The following KCNQ2 variants were observed in gnomAD, a reference collection of about 807,000 sequenced individuals.
The protein encoded by KCNQ2 is potassium voltage-gated channel subfamily Q member 2.
A neutral mutation model predicts 84.8 loss-of-function variants in KCNQ2; 14 were observed. The observed-to-expected ratio is 0.17, with a 90% CI of 0.11 to 0.26. The LOEUF is 0.26. Among genes scored for constraint, KCNQ2 ranks in the 10% least tolerant of loss-of-function variants. The pLI, the probability that KCNQ2 is intolerant of heterozygous loss-of-function variation, is 1.00. For missense variants in KCNQ2, 788 were observed against 1,254.0 expected, an observed-to-expected ratio of 0.63 and a Z score of 5.61; for synonymous variants, 599 against 554.1, an observed-to-expected ratio of 1.08 and a Z score of -1.14.
At chr20:63,443,469 C>CCACCATCAT (rs1600779796) in intron 4 of KCNQ2, among the ~76,000 whole-genome samples, 1 of 19,022 alleles carries the variant, frequency 5.3e-5, no homozygotes, top group Non-Finnish European at 1.2e-4. Context: ...ACCACCATCA[C>CCACCATCAT]CACCATCATC....
In KCNQ2 at chr20:63,414,841, A is replaced by G; in HGVS notation, c.1525+62T>C. Reference sequence around the variant, plus strand: ...TGCGACGCCACAGGGTGGCCACAGTAGCGTGGCCACCACATCCATCCCCGG... The same window carrying G: ...TGCGACGCCACAGGGTGGCCACAGTGGCGTGGCCACCACATCCATCCCCGG... On this transcript the variant is annotated intron_variant, in intron 13 of 16. Transcript: ENST00000359125. This position sits in a 1 kb window ranked among gnomAD's most constrained non-coding sequence, Gnocchi z 6.6. 1 of 1,525,660 alleles carries G rather than the reference A, an allele frequency of 6.6e-7. No homozygotes were observed. Among genetic ancestry groups the G allele is most frequent in the South Asian group, 1.1e-5 (1 of 89,382 alleles). 94.5% of individuals were successfully genotyped at this position (1,525,660 alleles called of 1,614,324 possible).
At chr20:63,463,285 C>T (rs1600855958) in intron 1 of KCNQ2, among the ~76,000 whole-genome samples, 2 of 152,224 alleles carry the variant, frequency 1.3e-5, no homozygotes, top group South Asian at 2.1e-4. Flanking sequence ...TAATAGAATA[C>T]GGACATCAGG....
In KCNQ2 at chr20:63,438,823, G is replaced by C; in HGVS notation, c.928-103C>G. 1.2e-6 allele frequency: 1 copy of C among 806,606 alleles called. No individual in the cohort carries two copies. The highest frequency in any genetic ancestry group is 2.0e-6 in the Non-Finnish European group (1 of 496,670). 50.0% of individuals were successfully genotyped at this position (806,606 alleles called of 1,614,324 possible). A position where few individuals can be genotyped will look rare whatever the true frequency, so the allele number is the denominator to read the frequency against. On this transcript the variant is annotated intron_variant, in intron 6 of 16. Transcript: ENST00000359125. The surrounding 1 kb of genome is among the most constrained non-coding windows in gnomAD (Gnocchi z 5.1). ...GCCCCACACCCCCCCCAATTCATCA[G>C]GGTCAGACCACACTCCAGAGACTCA...
At chr20:63,421,925 G>A (rs2080483188) in intron 11 of KCNQ2, among the ~76,000 whole-genome samples, 1 of 152,142 alleles carries the variant, frequency 6.6e-6, no homozygotes, top group Non-Finnish European at 1.5e-5. Flanking sequence ...CAGCCCCAGT[G>A]GTCCCTACGG....
At position 63,467,609 on chromosome 20, in the gene KCNQ2, G is replaced by A. The variant is rs6090424; in HGVS notation, c.296+4559C>T. Among the ~76,000 whole-genome samples, 327 of 152,334 alleles carry A rather than the reference G, an allele frequency of 2.1e-3. 1 individual carries two copies. The highest frequency in any genetic ancestry group is 7.6e-3 in the African/African-American group (314 of 41,570). On this transcript the variant is annotated intron_variant, in intron 1 of 16. Coordinates refer to ENST00000359125, the MANE Select transcript of KCNQ2 (RefSeq NM_172107.4). ...CGGACTTGCTGAGTGTGCACACAGG[G>A]GCCATGGACGTGTCAGGAGCACAGG...
At chr20:63,439,837 C>T (rs1418252853) in intron 5 of KCNQ2, 129 bp from the exon 6 acceptor site, 25 of 743,194 alleles carry the variant, frequency 3.4e-5, no homozygotes, top group Non-Finnish European at 5.0e-5. Context: ...ACCATCCACA[C>T]GGAGGCCCAG....
At chr20:63,455,143 C>T (rs546609823) in intron 1 of KCNQ2, among the ~76,000 whole-genome samples, 3 of 152,088 alleles carry the variant, frequency 2.0e-5, no homozygotes, top group Non-Finnish European at 2.9e-5. Context: ...GATGGGAGGA[C>T]GGTGGGAGGA....
At position 63,442,707 on chromosome 20, in the gene KCNQ2, TCAC is replaced by T. The variant is rs749330439; in HGVS notation, c.691-179_691-177del. ...ACCATCACCATCACCACCATCACCATCACCACCACCACCACCATCATCACCACC... is the reference window on the plus strand; with the variant it reads ...ACCATCACCATCACCACCATCACCATCACCACCACCACCATCATCACCACC... On this transcript the variant is annotated intron_variant, in intron 4 of 16. Coordinates refer to ENST00000359125, the MANE Select transcript of KCNQ2 (RefSeq NM_172107.4). 0.021 allele frequency among the ~76,000 whole-genome samples: 734 copies of T among 35,378 alleles called. 60 individuals are homozygous for T. Among genetic ancestry groups the T allele is most frequent in the Middle Eastern group, 0.071 (4 of 56 alleles). The allele number at this position is 35,378 out of a possible 152,430, so 23.2% of individuals were successfully genotyped here.
rs2080231941 is a variant in KCNQ2, at chr20:63,414,783, G to A, written c.1525+120C>T. 1 of 918,594 alleles carries A rather than the reference G, an allele frequency of 1.1e-6. No homozygotes were observed. 56.9% of individuals were successfully genotyped at this position (918,594 alleles called of 1,614,324 possible). On this transcript the variant is annotated intron_variant, in intron 13 of 16. Coordinates refer to ENST00000359125, the MANE Select transcript of KCNQ2 (RefSeq NM_172107.4). This position sits in a 1 kb window ranked among gnomAD's most constrained non-coding sequence, Gnocchi z 6.6. ...CTCACCTCAATTTTAGAAAGGATAGGGGGTTCCCACTCCAAGAGCAAGCAA... is the reference window on the plus strand; with the variant it reads ...CTCACCTCAATTTTAGAAAGGATAGAGGGTTCCCACTCCAAGAGCAAGCAA...
Position 63,406,794 on chromosome 20 carries a change from G to C in KCNQ2, c.2469C>G (p.Ala823=). 1.9e-6 allele frequency: 3 copies of C among 1,612,634 alleles called. No homozygotes were observed. The highest frequency in any genetic ancestry group is 2.5e-6 in the Non-Finnish European group (3 of 1,179,872). ...NLDALNSCYA[A]VAPCAKVRPY... ...GCCTGACTTTGGCACAAGGCGCCAC[G>C]GCCGCGTAGCAGCTGTTGAGAGCAT... Residue 823 remains alanine, a synonymous_variant, in exon 17 of 17, where the codon GCC becomes GCG. Coordinates refer to ENST00000359125, the MANE Select transcript of KCNQ2 (RefSeq NM_172107.4).
rs374390983 is a variant in KCNQ2, at chr20:63,452,654, C to T, written c.297-5817G>A. Among the ~76,000 whole-genome samples, 90 of 152,344 alleles carry T rather than the reference C, an allele frequency of 5.9e-4. No homozygotes were observed. In the South Asian group the frequency reaches 0.011, roughly 19 times the overall value. Reference sequence around the variant, plus strand: ...CAGAGGCCTGGGACTGCAGCAGGAACGGGCTGATTCAGCGGTGCAGGCACA... The same window carrying T: ...CAGAGGCCTGGGACTGCAGCAGGAATGGGCTGATTCAGCGGTGCAGGCACA... On this transcript the variant is annotated intron_variant, in intron 1 of 16. Transcript: ENST00000359125.
chr20:63,462,427 G>T (rs1399779608), intron 1 of KCNQ2, among the ~76,000 whole-genome samples: 1 of 151,692 alleles, frequency 6.6e-6, no homozygotes, highest in South Asian at 2.1e-4. Context: ...GCAGGGAGGA[G>T]GTGGCACCTA....
chr20:63,451,551 C>T lies in KCNQ2; in HGVS notation c.297-4714G>A, dbSNP rs193184636. On this transcript the variant is annotated intron_variant, in intron 1 of 16. Coordinates refer to ENST00000359125, the MANE Select transcript of KCNQ2 (RefSeq NM_172107.4). ...AAAAGCCTGACCCTGTGGAAAGACACAAACCCGCGTGGACCTCGTGTCAAG... is the reference window on the plus strand; with the variant it reads ...AAAAGCCTGACCCTGTGGAAAGACATAAACCCGCGTGGACCTCGTGTCAAG... 9.8e-4 allele frequency among the ~76,000 whole-genome samples: 150 copies of T among 152,312 alleles called. 1 individual carries two copies. The highest frequency in any genetic ancestry group is 3.5e-3 in the African/African-American group (144 of 41,566).
Position 63,438,582 on chromosome 20 carries a change from A to G in KCNQ2, c.1023+43T>C, listed in dbSNP as rs771810655. 1 of 1,553,238 alleles carries G rather than the reference A, an allele frequency of 6.4e-7. No individual in the cohort carries two copies. The highest frequency in any genetic ancestry group is 8.9e-7 in the Non-Finnish European group (1 of 1,125,926). On this transcript the variant is annotated intron_variant, in intron 7 of 16. Transcript: ENST00000359125. This position sits in a 1 kb window ranked among gnomAD's most constrained non-coding sequence, Gnocchi z 5.1. Reference sequence around the variant, plus strand: ...CTCCACTCCTCAACAAGGTGGGACCAGGACAAGGGCTGTGCTGGTCCCCGG... The same window carrying G: ...CTCCACTCCTCAACAAGGTGGGACCGGGACAAGGGCTGTGCTGGTCCCCGG...
chr20:63,417,222 G>C (rs147227077), intron 12 of KCNQ2, among the ~76,000 whole-genome samples: 1 of 152,164 alleles, frequency 6.6e-6, no homozygotes, highest in Non-Finnish European at 1.5e-5. Context: ...ACAGGTGGTC[G>C]GGGAGAACCG....
chr20:63,442,975 C>G (rs1298223586), intron 4 of KCNQ2, among the ~76,000 whole-genome samples: 3 of 61,786 alleles, frequency 4.9e-5, no homozygotes, highest in African/African-American at 6.6e-5. Context: ...CCACCACCAC[C>G]ATCACCACCA....
rs532732732 is a variant in KCNQ2 at position 63,400,877 on chromosome 20, G to A, written c.*5767C>T. ...CCTCGCCCGCCCCACCTGTTCGCAGGGTCCAGGGCGTCCGTACCTGGCACA... is the reference window on the plus strand; with the variant it reads ...CCTCGCCCGCCCCACCTGTTCGCAGAGTCCAGGGCGTCCGTACCTGGCACA... On this transcript the variant is annotated 3_prime_UTR_variant, in exon 17 of 17. Coordinates refer to ENST00000359125, the MANE Select transcript of KCNQ2 (RefSeq NM_172107.4). The surrounding 1 kb of genome is among the most constrained non-coding windows in gnomAD (Gnocchi z 8.7). 27 of 398,366 alleles carry A rather than the reference G, an allele frequency of 6.8e-5. No homozygotes were observed. In the Admixed American group the frequency reaches 8.8e-4, roughly 13 times the overall value. 24.7% of individuals were successfully genotyped at this position (398,366 alleles called of 1,614,324 possible). A position where few individuals can be genotyped will look rare whatever the true frequency, so the allele number is the denominator to read the frequency against.
intron 1 of KCNQ2, among the ~76,000 whole-genome samples, chr20:63,465,402 C>T (rs558804703): frequency 6.6e-6 from 1 of 152,192 alleles, no homozygotes; most frequent in Non-Finnish European, 1.5e-5. Context: ...TCCCTCACAC[C>T]CCCTCACCCA....
At chr20:63,431,198 T>C in intron 9 of KCNQ2, 142 bp downstream of exon 9, 2 of 981,006 alleles carry the variant, frequency 2.0e-6, no homozygotes, top group Non-Finnish European at 3.3e-6. Context: ...GCAGGGGGCA[T>C]AGGGATGCTC....
Sources: gnomAD v4.1 joint callset for allele counts (sites outside exome capture counted in the v4.1 genomes callset) on GRCh38, gnomAD v4.1.1 for gene constraint, Gnocchi (gnomAD v3.1) non-coding constraint, MANE v1.5 for transcripts, NCBI Gene and HGNC (gene_info 2026-07-23, HGNC 2026-07-21) for gene names.